The following PURG variants were observed in gnomAD, a reference collection of about 807,000 sequenced individuals.
The protein encoded by PURG is purine-rich element-binding protein gamma.
In PURG, 3 loss-of-function variants were observed where a neutral mutation model predicts 24.3. The observed-to-expected ratio is 0.12, with a 90% CI of 0.06 to 0.32. The LOEUF (loss-of-function observed/expected upper bound fraction) is 0.32, where lower values mean the gene tolerates loss of function less well. Ranked by LOEUF, PURG falls within the 10% of genes least tolerant of loss-of-function variation. PURG has a pLI of 1.00. For missense variants in PURG, 371 were observed against 439.1 expected, an observed-to-expected ratio of 0.84 and a Z score of 1.39; for synonymous variants, 180 against 173.1, an observed-to-expected ratio of 1.04 and a Z score of -0.31.
At position 31,005,446 on chromosome 8, in the gene PURG, AAAAG is replaced by A. The variant is rs754096428; in HGVS notation, c.865-8753_865-8750del. On this transcript the variant is annotated intron_variant, in intron 1 of 1. Coordinates refer to the PURG transcript ENST00000339382. ...AGATCCTGTCACCAAAACAAAAAAA[AAAAG>A]AAAAGAAAAGAAAAGAAAAGAAAAA... 1.1e-3 allele frequency among the ~76,000 whole-genome samples: 172 copies of A among 151,080 alleles called. No homozygotes were observed. In the East Asian group the frequency reaches 0.023, roughly 21 times the overall value.
rs1238087918 is a variant in PURG, at chr8:31,032,755, C to T, written c.28G>A (p.Gly10Ser). 4 of 1,434,996 alleles carry T rather than the reference C, an allele frequency of 2.8e-6. No individual in the cohort carries two copies. Among genetic ancestry groups the T allele is most frequent in the Non-Finnish European group, 3.7e-6 (4 of 1,090,556 alleles). 88.9% of individuals were successfully genotyped at this position (1,434,996 alleles called of 1,614,324 possible). The change falls in exon 2 of 2, where the codon GGC becomes AGC. Residue 10 changes from glycine (G) to serine (S), a missense_variant. Around this residue, in one of 5 missense-constraint regions of PURG, gnomAD observed 213 missense variants for 230.6 expected, o/e 0.92. Coordinates refer to ENST00000523392, the MANE Select transcript of PURG (RefSeq NM_001323311.2). The surrounding 1 kb of genome is among the most constrained non-coding windows in gnomAD (Gnocchi z 5.9). The part of the protein sequence containing the change: MERARRRGG[G>S]GGRGRGGKNV... ...TTGCCTCCGCGGCCGCGGCCGCCGC[C>T]GCCTCCCCTTCGCCTGGCTCTTTCC...
At chr8:31,030,679 T>C (rs556662140), downstream of PURG, among the ~76,000 whole-genome samples, 9 of 152,024 alleles carry the variant, frequency 5.9e-5, no homozygotes, top group South Asian at 1.7e-3. Flanking sequence ...CCTCCAGAAT[T>C]AAAACACCTG....
downstream of PURG, among the ~76,000 whole-genome samples, chr8:31,025,997 C>T (rs1811081672): frequency 6.6e-6 from 1 of 151,696 alleles, no homozygotes; most frequent in Non-Finnish European, 1.5e-5. Context: ...TCTAGAGTTA[C>T]CTATTTGCTT....
At chr8:31,006,516 C>T (rs1332871084) in intron 1 of PURG, among the ~76,000 whole-genome samples, 2 of 120,940 alleles carry the variant, frequency 1.7e-5, no homozygotes, top group Non-Finnish European at 3.8e-5. Context: ...ATAGCTCCGT[C>T]TCAAAACAAA....
At chr8:31,026,839 T>C (rs902739262), downstream of PURG, among the ~76,000 whole-genome samples, 8 of 151,382 alleles carry the variant, frequency 5.3e-5, no homozygotes, top group Non-Finnish European at 1.2e-4. Flanking sequence ...TAAATTTAAA[T>C]GATTTAAAAT....
intron 1 of PURG, among the ~76,000 whole-genome samples, chr8:31,001,304 C>G (rs1052998030): frequency 6.6e-6 from 1 of 152,164 alleles, no homozygotes; most frequent in Non-Finnish European, 1.5e-5. Context: ...AGAATCATTT[C>G]TACCCTATAA....
downstream of PURG, among the ~76,000 whole-genome samples, chr8:31,029,988 G>A (rs371952634): frequency 2.6e-5 from 4 of 151,796 alleles, no homozygotes; most frequent in African/African-American, 9.7e-5. Context: ...ATTCCTTCAC[G>A]CTACTAGAGG....
At chr8:31,029,193 T>C (rs1347647447), downstream of PURG, among the ~76,000 whole-genome samples, 1 of 151,844 alleles carries the variant, frequency 6.6e-6, no homozygotes, top group African/African-American at 2.4e-5. Flanking sequence ...AGTCATAGCA[T>C]CATCTCATTT....
At chr8:31,018,485 C>T (rs1209372852) in intron 1 of PURG, among the ~76,000 whole-genome samples, 1 of 152,200 alleles carries the variant, frequency 6.6e-6, no homozygotes, top group Non-Finnish European at 1.5e-5. Context: ...CTGAAGTCTA[C>T]TATAAATTTA....
At chr8:30,996,644 T>C in exon 2 of PURG, 1 of 1,612,322 alleles carries the variant, frequency 6.2e-7, no homozygotes, top group Non-Finnish European at 8.5e-7. Context: ...TATGCTTGAT[T>C]TGACAACAGT....
chr8:30,996,975 T>C lies in PURG; in HGVS notation c.865-278A>G, dbSNP rs544195976. Reference sequence around the variant, plus strand: ...AATTTTACTCACCAAGAGAAGAATATACCTTGAAGCATCTATGCAGACACA... The same window carrying C: ...AATTTTACTCACCAAGAGAAGAATACACCTTGAAGCATCTATGCAGACACA... On this transcript the variant is annotated intron_variant, in intron 1 of 1. Coordinates refer to the PURG transcript ENST00000339382. Among the ~76,000 whole-genome samples, 650 of 151,912 alleles carry C rather than the reference T, an allele frequency of 4.3e-3. 5 individuals are homozygous for C. The highest frequency in any genetic ancestry group is 6.9e-3 in the Non-Finnish European group (469 of 67,712).
intron 1 of PURG, among the ~76,000 whole-genome samples, chr8:31,001,940 T>C (rs1322219821): frequency 2.6e-5 from 4 of 152,234 alleles, no homozygotes; most frequent in Admixed American, 2.6e-4. Flanking sequence ...TGACTATTAC[T>C]ACAACTACTT....
chr8:31,021,627 G>A (rs1810990037), intron 1 of PURG, among the ~76,000 whole-genome samples: 1 of 152,126 alleles, frequency 6.6e-6, no homozygotes, highest in Admixed American at 6.6e-5. Context: ...CTTTATTAGA[G>A]TTGGAAGGAT....
At chr8:30,999,988 C>A (rs1372991707) in intron 1 of PURG, among the ~76,000 whole-genome samples, 2 of 151,718 alleles carry the variant, frequency 1.3e-5, no homozygotes, top group Non-Finnish European at 2.9e-5. Context: ...TAAAAAAAAA[C>A]CACACTGGTT....
chr8:31,032,237 T>C lies in PURG; in HGVS notation c.546A>G (p.Lys182=), dbSNP rs776340615. 7 of 1,614,186 alleles carry C rather than the reference T, an allele frequency of 4.3e-6. No homozygotes were observed. The highest frequency in any genetic ancestry group is 5.9e-6 in the Non-Finnish European group (7 of 1,180,018). The part of the protein sequence containing the change: ...KTDYIERDNR[K]YYLDLKENQR... ...GATTTTCCTTTAGGTCTAGGTAATA[T>C]TTCCTATTGTCCCTCTCGATATAGT... is the stretch of plus-strand genomic sequence containing the variant. The change falls in exon 2 of 2, where the codon AAA becomes AAG. Residue 182 remains lysine, a synonymous_variant. Coordinates refer to ENST00000523392, the MANE Select transcript of PURG (RefSeq NM_001323311.2). This position sits in a 1 kb window ranked among gnomAD's most constrained non-coding sequence, Gnocchi z 5.9.
intron 1 of PURG, among the ~76,000 whole-genome samples, chr8:31,013,355 T>G (rs1026086036): frequency 2.6e-5 from 4 of 152,224 alleles, no homozygotes; most frequent in African/African-American, 7.2e-5. Context: ...CATTCTAAGT[T>G]TAATATAATA....
At chr8:31,019,467 G>C (rs966709751) in intron 1 of PURG, among the ~76,000 whole-genome samples, 1 of 149,096 alleles carries the variant, frequency 6.7e-6, no homozygotes, top group Non-Finnish European at 1.5e-5. Flanking sequence ...CCAAGTTGCT[G>C]GGATTACAGG....
intron 1 of PURG, among the ~76,000 whole-genome samples, chr8:31,009,498 T>C (rs1361653458): frequency 1.3e-5 from 2 of 152,082 alleles, no homozygotes; most frequent in East Asian, 3.9e-4. Flanking sequence ...AATTCAGAAT[T>C]TAGCCTGCCA....
chr8:31,010,757 ATCAGGAGTT>A (rs1810747252), intron 1 of PURG, among the ~76,000 whole-genome samples: 1 of 152,200 alleles, frequency 6.6e-6, no homozygotes, highest in Non-Finnish European at 1.5e-5. Flanking sequence ...ACTAATCTAA[ATCAGGAGTT>A]TCATCAGGGT....
Sources: allele counts gnomAD v4.1 joint callset (sites outside exome capture counted in the v4.1 genomes callset), GRCh38; gene constraint gnomAD v4.1.1; regional missense constraint gnomAD v4.1.1; non-coding constraint Gnocchi (gnomAD v3.1); transcripts MANE v1.5; gene names NCBI Gene and HGNC (gene_info 2026-07-23, HGNC 2026-07-21).